Variants in RAB20 observed in about 807,000 individuals in gnomAD.
RAB20 encodes ras-related protein Rab-20.
RAB20 carries 2 observed loss-of-function variants against 3.7 expected under a neutral mutation model. The observed-to-expected ratio is 0.54, with a 90% CI of 0.22 to 1.69. The LOEUF (loss-of-function observed/expected upper bound fraction) is 1.69. Among genes scored for constraint, RAB20 ranks in the 40% most tolerant of loss-of-function variants. The probability of loss-of-function intolerance (pLI) is 0.19; values close to 1 mark genes in which losing one functional copy is unlikely to be tolerated. For missense variants in RAB20, 276 were observed against 311.9 expected, an observed-to-expected ratio of 0.88 and a Z score of 0.87; for synonymous variants, 126 against 130.8, an observed-to-expected ratio of 0.96 and a Z score of 0.25.
intron 1 of RAB20, among the ~76,000 whole-genome samples, chr13:110,547,994 A>G (rs899286064): frequency 6.6e-6 from 1 of 152,232 alleles, no homozygotes; most frequent in African/African-American, 2.4e-5. Context: ...CAGGTATTCT[A>G]TAACTGTGAA....
At chr13:110,535,469 G>A (rs940455097) in intron 1 of RAB20, among the ~76,000 whole-genome samples, 36 of 152,350 alleles carry the variant, frequency 2.4e-4, no homozygotes, top group African/African-American at 8.4e-4. Flanking sequence ...CGTGGGTCAC[G>A]TCTTCATGGA....
At position 110,555,330 on chromosome 13, in the gene RAB20, A is replaced by G. The variant is rs1885021603; in HGVS notation, c.172+6018T>C. Among the ~76,000 whole-genome samples, 1 of 152,146 alleles carries G rather than the reference A, an allele frequency of 6.6e-6. No homozygotes were observed. The highest frequency in any genetic ancestry group is 6.5e-5 in the Admixed American group (1 of 15,280). ...CCACGTGACAACCTTCCAACACTCA[A>G]AAACTTCCTGGGACTGGGGCTCCAG... is the stretch of plus-strand genomic sequence containing the variant. On this transcript the variant is annotated intron_variant, in intron 1 of 1. Coordinates refer to ENST00000267328, the MANE Select transcript of RAB20 (RefSeq NM_017817.3). The surrounding 1 kb of genome is among the most constrained non-coding windows in gnomAD (Gnocchi z 4.0).
chr13:110,546,699 TG>T (rs1264103524), intron 1 of RAB20, among the ~76,000 whole-genome samples: 3 of 102,122 alleles, frequency 2.9e-5, no homozygotes, highest in African/African-American at 8.9e-5. Context: ...GCTGAACTTC[TG>T]TTTTTTTTTG....
rs1045266766 is a variant in RAB20, at chr13:110,561,249, C to A, written c.172+99G>T. 5.0e-6 allele frequency: 7 copies of A among 1,397,420 alleles called. No homozygotes were observed. The African/African-American group carries it at 9.1e-5, about 18-fold the overall frequency. 86.6% of individuals were successfully genotyped at this position (1,397,420 alleles called of 1,614,324 possible). ...GAAGGAGGCATTTGCTGTCCGAGGC[C>A]GGGACCCTGTGCGCGGCCGGGTGCC... On this transcript the variant is annotated intron_variant, in intron 1 of 1. Transcript: ENST00000267328.
chr13:110,545,410 T>A (rs1884834729), intron 1 of RAB20, among the ~76,000 whole-genome samples: 1 of 152,242 alleles, frequency 6.6e-6, no homozygotes, highest in South Asian at 2.1e-4. Context: ...CTTCTCTTCC[T>A]CACAGCAAGT....
chr13:110,558,050 T>C (rs975127096), intron 1 of RAB20, among the ~76,000 whole-genome samples: 1 of 152,258 alleles, frequency 6.6e-6, no homozygotes, highest in African/African-American at 2.4e-5. Flanking sequence ...CTCACTGCTG[T>C]AGAACGAGGG....
chr13:110,547,341 C>T (rs542258291), intron 1 of RAB20, among the ~76,000 whole-genome samples: 4 of 152,306 alleles, frequency 2.6e-5, no homozygotes, highest in Admixed American at 6.5e-5. Flanking sequence ...TAATTCTACA[C>T]GGGGAAAGCG....
chr13:110,527,004 G>GA (rs1884441539), intron 1 of RAB20, among the ~76,000 whole-genome samples: 1 of 152,076 alleles, frequency 6.6e-6, no homozygotes, highest in Non-Finnish European at 1.5e-5. Context: ...TGAAGTTAAG[G>GA]CCCCTTGGTC....
At chr13:110,544,119 T>C (rs1490312957) in intron 1 of RAB20, among the ~76,000 whole-genome samples, 3 of 152,184 alleles carry the variant, frequency 2.0e-5, no homozygotes, top group African/African-American at 2.4e-5. Context: ...CATATGGATA[T>C]CCAGTTTCCC....
intron 1 of RAB20, among the ~76,000 whole-genome samples, chr13:110,536,711 G>A (rs1181295554): frequency 1.9e-5 from 1 of 52,884 alleles, no homozygotes; most frequent in Non-Finnish European, 3.2e-5. Context: ...TATCTAAAAT[G>A]GCTTTTTTTT....
chr13:110,527,948 C>CACACACACACACA (rs1441568188), intron 1 of RAB20, among the ~76,000 whole-genome samples: 1 of 147,844 alleles, frequency 6.8e-6, no homozygotes, highest in Non-Finnish European at 1.5e-5. Flanking sequence ...CACACATACA[C>CACACACACACACA]TTTAATTAGC....
intron 1 of RAB20, among the ~76,000 whole-genome samples, chr13:110,530,018 T>C (rs933531443): frequency 5.3e-5 from 8 of 152,282 alleles, no homozygotes; most frequent in Non-Finnish European, 1.0e-4. Context: ...GACAAACTAC[T>C]GAAATGCAGC....
At chr13:110,525,959 G>A (rs1884422924) in intron 1 of RAB20, among the ~76,000 whole-genome samples, 1 of 152,256 alleles carries the variant, frequency 6.6e-6, no homozygotes, top group Admixed American at 6.5e-5. Flanking sequence ...CAAACCCCAA[G>A]TGAGATCTTC....
At chr13:110,548,744 T>A (rs1031063608) in intron 1 of RAB20, among the ~76,000 whole-genome samples, 1 of 152,066 alleles carries the variant, frequency 6.6e-6, no homozygotes, top group Non-Finnish European at 1.5e-5. Context: ...ACCTCAAATC[T>A]GCACTCCCCA....
chr13:110,525,113 G>A (rs1238926158), intron 1 of RAB20, among the ~76,000 whole-genome samples: 1 of 152,210 alleles, frequency 6.6e-6, no homozygotes, highest in Non-Finnish European at 1.5e-5. Flanking sequence ...CTGGAGTGTG[G>A]GCATCTGCTC....
chr13:110,532,145 T>C lies in RAB20; in HGVS notation c.173-7948A>G, dbSNP rs111928873. On this transcript the variant is annotated intron_variant, in intron 1 of 1. Coordinates refer to ENST00000267328, the MANE Select transcript of RAB20 (RefSeq NM_017817.3). ...TTAAAAAATACTGATGCTCAGACCC[T>C]GACCCAGCTGCCAGGGCAAGAGTGG... Among the ~76,000 whole-genome samples the C allele has an allele frequency of 9.8e-3, 1,489 of 152,288 alleles. 26 individuals carry two copies. The highest frequency in any genetic ancestry group is 0.034 in the African/African-American group (1,430 of 41,552).
rs549493389 is a variant in RAB20 at position 110,536,295 on chromosome 13, C to T, written c.173-12098G>A. Among the ~76,000 whole-genome samples the T allele has an allele frequency of 2.5e-4, 38 of 152,286 alleles. 1 individual carries two copies. In the South Asian group the frequency reaches 6.6e-3, roughly 27 times the overall value. Reference sequence around the variant, plus strand: ...TCCAGGATGGGGAGAGGATGAGCTTCTGCTGTTTGAAGCCCTCCCACTTTG... The same window carrying T: ...TCCAGGATGGGGAGAGGATGAGCTTTTGCTGTTTGAAGCCCTCCCACTTTG... On this transcript the variant is annotated intron_variant, in intron 1 of 1. Coordinates refer to ENST00000267328, the MANE Select transcript of RAB20 (RefSeq NM_017817.3).
intron 1 of RAB20, among the ~76,000 whole-genome samples, chr13:110,554,735 G>A (rs1885010916): frequency 1.3e-5 from 2 of 152,214 alleles, no homozygotes; most frequent in Non-Finnish European, 2.9e-5. Flanking sequence ...GAAAGAGCCT[G>A]CATGAGCGAA....
intron 1 of RAB20, among the ~76,000 whole-genome samples, chr13:110,550,611 T>C (rs1232652234): frequency 6.6e-6 from 1 of 152,110 alleles, no homozygotes; most frequent in Non-Finnish European, 1.5e-5. Context: ...GTTTCCTGTG[T>C]CAATGATGGC....
Sources: allele counts gnomAD v4.1 joint callset (sites outside exome capture counted in the v4.1 genomes callset), GRCh38; gene constraint gnomAD v4.1.1; non-coding constraint Gnocchi (gnomAD v3.1); transcripts MANE v1.5; gene names NCBI Gene and HGNC (gene_info 2026-07-23, HGNC 2026-07-21).